PLPP2: variants seen among roughly 807,000 people sequenced by gnomAD.
PLPP2 encodes the protein PAP2-gamma.
In PLPP2, 29 loss-of-function variants were observed where a neutral mutation model predicts 35.2. The observed-to-expected ratio is 0.82, with a 90% CI of 0.61 to 1.12. PLPP2 has a LOEUF of 1.12. PLPP2 is among the 50% of genes most tolerant of loss of function. PLPP2 has a pLI of 0.00. For missense variants in PLPP2, 353 were observed against 375.2 expected, an observed-to-expected ratio of 0.94 and a Z score of 0.49; for synonymous variants, 162 against 167.0, an observed-to-expected ratio of 0.97 and a Z score of 0.23.
chr19:281,963 G>A, intron 5 of PLPP2, 171 bp downstream of exon 5: 2 of 700,744 alleles, frequency 2.9e-6, no homozygotes, highest in Non-Finnish European at 2.3e-6. Flanking sequence ...TGGGGGGAAG[G>A]ATGGGGTAAA....
At chr19:289,464 T>TCACACCTGTAATCC (rs61703664) in intron 1 of PLPP2, among the ~76,000 whole-genome samples, 1 of 151,476 alleles carries the variant, frequency 6.6e-6, no homozygotes, top group African/African-American at 2.4e-5. Context: ...GCGTGGTGGC[T>TCACACCTGTAATCC]CAGCACTTTG....
At chr19:285,489 C>G (rs118001495) in intron 3 of PLPP2, 1 of 150,440 alleles carries the variant, frequency 6.6e-6, no homozygotes, top group Admixed American at 6.6e-5. Flanking sequence ...ACGCCTGCTA[C>G]TCAGGAGGCT....
chr19:287,927 GC>G lies in PLPP2; in HGVS notation c.204+92del. The stretch of plus-strand genomic sequence containing the variant: ...CCCCGGCCCCACACAGACCTCCAGG[GC>G]AGGGCTGTGCCACCCCCCCATCAGG... On this transcript the variant is annotated intron_variant, in intron 2 of 5. Coordinates refer to ENST00000434325, the MANE Select transcript of PLPP2 (RefSeq NM_003712.4). This position sits in a 1 kb window ranked among gnomAD's most constrained non-coding sequence, Gnocchi z 4.3. 6.5e-7 allele frequency: 1 copy of G among 1,543,912 alleles called. No individual in the cohort carries two copies. Among genetic ancestry groups the G allele is most frequent in the African/African-American group, 1.4e-5 (1 of 73,504 alleles).
In PLPP2 at chr19:281,137, C is replaced by G. The variant is rs1970166008; in HGVS notation, c.*251G>C. 2.7e-6 allele frequency: 1 copy of G among 372,612 alleles called. No individual in the cohort carries two copies. Among genetic ancestry groups the G allele is most frequent in the African/African-American group, 2.1e-5 (1 of 48,092 alleles). The allele number at this position is 372,612 out of a possible 1,614,324, so 23.1% of individuals were successfully genotyped here. A position where few individuals can be genotyped will look rare whatever the true frequency, so the allele number is the denominator to read the frequency against. ...TGATCTCTCGGTCCCTTCCTTAACC[C>G]CATAAAAAGAAGGGGATATTTGGGG... On this transcript the variant is annotated 3_prime_UTR_variant, in exon 6 of 6. Coordinates refer to ENST00000434325, the MANE Select transcript of PLPP2 (RefSeq NM_003712.4).
In PLPP2 at chr19:287,372, C is replaced by T. The variant is rs1353709638; in HGVS notation, c.482+102G>A. The T allele has an allele frequency of 9.7e-6, 14 of 1,450,210 alleles. No homozygotes were observed. The highest frequency in any genetic ancestry group is 1.3e-5 in the Non-Finnish European group (14 of 1,079,712). 89.8% of individuals were successfully genotyped at this position (1,450,210 alleles called of 1,614,324 possible). A position where few individuals can be genotyped will look rare whatever the true frequency, so the allele number is the denominator to read the frequency against. On this transcript the variant is annotated intron_variant, in intron 3 of 5. Transcript: ENST00000434325. This position sits in a 1 kb window ranked among gnomAD's most constrained non-coding sequence, Gnocchi z 4.3. ...AAAATTAGCCGGGCGTGGTGGCGCA[C>T]GCCTGTAGTCTCAGCTGCCTGCTGG...
At chr19:282,038 G>T (rs1970183513) in intron 5 of PLPP2, 96 bp downstream of exon 5, 6 of 1,382,048 alleles carry the variant, frequency 4.3e-6, no homozygotes, top group South Asian at 3.8e-5. Flanking sequence ...CCCAAGGAAG[G>T]ACTCAGTGGG....
chr19:287,605 C>G lies in PLPP2; in HGVS notation c.351G>C (p.Lys117Asn). The G allele has an allele frequency of 6.2e-7, 1 of 1,613,930 alleles. No individual in the cohort carries two copies. The highest frequency in any genetic ancestry group is 1.1e-5 in the South Asian group (1 of 91,086). ...TGGGCCTCAGACGCCCAATCATGTA[C>G]TTGGCCAGGTCTGTCAGAGACTGGC... is the stretch of plus-strand genomic sequence containing the variant. ...AVSQSLTDLA[K>N]YMIGRLRPNF... Residue 117 changes from lysine (K) to asparagine (N), a missense_variant, in exon 3 of 6, where the codon AAG becomes AAC. Physicochemically the swap from Lys to Asn is moderately conservative, Grantham distance 94. Transcript: ENST00000434325. This position sits in a 1 kb window ranked among gnomAD's most constrained non-coding sequence, Gnocchi z 4.3.
At chr19:281,610 G>C (rs917163231) in intron 5 of PLPP2, 73 bp from the exon 6 acceptor site, 5 of 1,336,910 alleles carry the variant, frequency 3.7e-6, no homozygotes, top group Non-Finnish European at 4.9e-6. Context: ...TGAGCAGGAG[G>C]GGGAGGAACA....
rs1288060757 is a variant in PLPP2, at chr19:287,683, G to A, written c.273C>T (p.Tyr91=). Residue 91 remains tyrosine, a synonymous_variant, in exon 3 of 6, where the codon TAC becomes TAT. Coordinates refer to ENST00000434325, the MANE Select transcript of PLPP2 (RefSeq NM_003712.4). This position sits in a 1 kb window ranked among gnomAD's most constrained non-coding sequence, Gnocchi z 4.3. ...RLYSRSDFNN[Y]VAAVYKVLGT... ...CCAGCACCTTGTATACAGCAGCCAC[G>A]TAGTTGTTGAAGTCCGAGCGAGAAT... is the stretch of plus-strand genomic sequence containing the variant. 16 of 1,613,846 alleles carry A rather than the reference G, an allele frequency of 9.9e-6. No individual in the cohort carries two copies. The highest frequency in any genetic ancestry group is 2.2e-5 in the East Asian group (1 of 44,898).
Position 287,205 on chromosome 19 carries a change from G to A in PLPP2, c.482+269C>T. On this transcript the variant is annotated intron_variant, in intron 3 of 5. Transcript: ENST00000434325. The surrounding 1 kb of genome is among the most constrained non-coding windows in gnomAD (Gnocchi z 4.3). ...ATATCTCATTCTATGATGATGAAAT[G>A]GTCAATCTTTCAAAAATATATAACA... The A allele has an allele frequency of 2.4e-6, 1 of 409,314 alleles. No homozygotes were observed. The highest frequency in any genetic ancestry group is 4.3e-5 in the South Asian group (1 of 23,168). 25.4% of individuals were successfully genotyped at this position (409,314 alleles called of 1,614,324 possible). A position where few individuals can be genotyped will look rare whatever the true frequency, so the allele number is the denominator to read the frequency against.
intron 3 of PLPP2, chr19:284,797 A>G (rs956920198): frequency 2.0e-5 from 3 of 152,224 alleles, no homozygotes; most frequent in African/African-American, 4.8e-5. Context: ...CTGAGGAAGC[A>G]GAAGAAAAAA....
chr19:287,414 T>C lies in PLPP2; in HGVS notation c.482+60A>G. 1 of 1,555,418 alleles carries C rather than the reference T, an allele frequency of 6.4e-7. No individual in the cohort carries two copies. The highest frequency in any genetic ancestry group is 1.2e-5 in the South Asian group (1 of 82,258). The stretch of plus-strand genomic sequence containing the variant: ...GCCTGCTGGCTCTTCATGATTTGGC[T>C]CCAGGGCCTTCTTCAGCTCCCATTC... On this transcript the variant is annotated intron_variant, in intron 3 of 5. Transcript: ENST00000434325. The surrounding 1 kb of genome is among the most constrained non-coding windows in gnomAD (Gnocchi z 4.3).
Position 281,534 on chromosome 19 carries a change from A to C in PLPP2, c.721T>G (p.Cys241Gly). ...QGALVAALTV[C>G]YISDFFKARP... is the part of the protein sequence containing the mutation. Reference sequence around the variant, plus strand: ...GCTTTGAAGAAGTCTGAGATGTAGCAGACCTGGTAGAGCAGAGGGTGGTGA... The same window carrying C: ...GCTTTGAAGAAGTCTGAGATGTAGCCGACCTGGTAGAGCAGAGGGTGGTGA... Residue 241 changes from cysteine (C) to glycine (G), a missense_variant, in exon 6 of 6, where the codon TGC (cysteine) becomes GGC (glycine). Cys to Gly is a radical substitution (Grantham distance 159). Coordinates refer to ENST00000434325, the MANE Select transcript of PLPP2 (RefSeq NM_003712.4). 2 of 1,492,378 alleles carry C rather than the reference A, an allele frequency of 1.3e-6. No individual in the cohort carries two copies. Among genetic ancestry groups the C allele is most frequent in the Non-Finnish European group, 1.8e-6 (2 of 1,117,506 alleles). The allele number at this position is 1,492,378 out of a possible 1,614,324, so 92.4% of individuals were successfully genotyped here. A position where few individuals can be genotyped will look rare whatever the true frequency, so the allele number is the denominator to read the frequency against.
Position 287,662 on chromosome 19 carries a change from C to T in PLPP2, c.294G>A (p.Val98=). 2 of 1,613,972 alleles carry T rather than the reference C, an allele frequency of 1.2e-6. No individual in the cohort carries two copies. The highest frequency in any genetic ancestry group is 8.5e-7 in the Non-Finnish European group (1 of 1,180,040). The change falls in exon 3 of 6, where the codon GTG becomes GTA. Residue 98 remains valine, a synonymous_variant. Transcript: ENST00000434325. The surrounding 1 kb of genome is among the most constrained non-coding windows in gnomAD (Gnocchi z 4.3). The stretch of plus-strand genomic sequence containing the variant: ...CAGCCCCAAACAGGAAGGTCCCCAG[C>T]ACCTTGTATACAGCAGCCACGTAGT... ...FNNYVAAVYK[V]LGTFLFGAAV...
chr19:288,061 C>T lies in PLPP2; in HGVS notation c.163G>A (p.Gly55Arg), dbSNP rs773838037. The change falls in exon 2 of 6, where the codon GGG becomes AGG. Residue 55 changes from glycine to arginine, a missense_variant. Physicochemically the swap from Gly to Arg is moderately radical, Grantham distance 125. Transcript: ENST00000434325. ...YPYRPDTITH[G>R]LMAGVTITAT... ...GTGATGGTGACCCCAGCCATGAGCC[C>T]GTGGGTGATGGTATCTGGACGGTAG... The T allele has an allele frequency of 2.7e-5, 43 of 1,613,710 alleles. No homozygotes were observed. The highest frequency in any genetic ancestry group is 3.3e-5 in the South Asian group (3 of 91,074).
Position 287,504 on chromosome 19 carries a change from C to T in PLPP2, c.452G>A (p.Arg151Lys). The T allele has an allele frequency of 1.2e-6, 2 of 1,613,276 alleles. No homozygotes were observed. The highest frequency in any genetic ancestry group is 1.7e-6 in the Non-Finnish European group (2 of 1,179,700). ...CTCGGTGACATCAGCAGGGTTTCCC[C>T]TGCACACCTTCTCCAGCTGCACATA... The part of the protein sequence containing the change: ...SVYVQLEKVC[R>K]GNPADVTEAR... Residue 151 changes from arginine (R) to lysine (K), a missense_variant, in exon 3 of 6, where the codon AGG (arginine) becomes AAG (lysine). By Grantham distance (26) the Arg-to-Lys change is conservative (BLOSUM62 2). Coordinates refer to ENST00000434325, the MANE Select transcript of PLPP2 (RefSeq NM_003712.4). The surrounding 1 kb of genome is among the most constrained non-coding windows in gnomAD (Gnocchi z 4.3).
intron 1 of PLPP2, among the ~76,000 whole-genome samples, chr19:289,292 G>C (rs1179305371): frequency 6.6e-6 from 1 of 152,180 alleles, no homozygotes; most frequent in East Asian, 1.9e-4. Flanking sequence ...CGGAGGGGCA[G>C]GGAGCCCCAC....
chr19:289,903 G>A (rs571793816), intron 1 of PLPP2, among the ~76,000 whole-genome samples: 126 of 123,228 alleles, frequency 1.0e-3, no homozygotes, highest in African/African-American at 3.3e-3. Context: ...AGTGCAGCCC[G>A]ACCACAGCTC....
intron 1 of PLPP2, 27 bp from the exon 2 acceptor site, chr19:288,198 T>C: frequency 9.0e-6 from 14 of 1,548,528 alleles, no homozygotes; most frequent in Non-Finnish European, 1.2e-5. Flanking sequence ...GCCTGGGAGC[T>C]GTGAGGTTCT....
Sources: gnomAD v4.1 joint callset for allele counts (sites outside exome capture counted in the v4.1 genomes callset) on GRCh38, gnomAD v4.1.1 for gene constraint, Gnocchi (gnomAD v3.1) non-coding constraint, MANE v1.5 for transcripts, NCBI Gene and HGNC (gene_info 2026-07-23, HGNC 2026-07-21) for gene names.